EGFL6: variants seen among roughly 807,000 people sequenced by gnomAD.
EGFL6 encodes EGF like domain multiple 6.
In EGFL6, 42 loss-of-function variants were observed where a neutral mutation model predicts 43.1. The observed-to-expected ratio is 0.98, with a 90% CI of 0.76 to 1.26. The LOEUF (loss-of-function observed/expected upper bound fraction) is 1.26, where lower values mean the gene tolerates loss of function less well. EGFL6 is among the 50% of genes most tolerant of loss of function. The pLI is 0.00. For missense variants in EGFL6, 429 were observed against 427.8 expected (o/e 1.00, Z -0.02); for synonymous variants, 164 against 163.2 (o/e 1.01, Z -0.04).
chrX:13,627,920 C>G (rs923369405), intron 11 of EGFL6, among the ~76,000 whole-genome samples: 69 of 112,006 alleles, frequency 6.2e-4, no homozygotes, highest in African/African-American at 2.2e-3. Context: ...ATGACACTTA[C>G]AAAGTATTGC....
chrX:13,625,640 C>T (rs2045774491), intron 10 of EGFL6, among the ~76,000 whole-genome samples: 1 of 109,901 alleles, frequency 9.1e-6, no homozygotes, highest in Non-Finnish European at 1.9e-5. Flanking sequence ...GCTGAGATCG[C>T]ACTATTGCAC....
chrX:13,587,393 G>A (rs997589339), intron 1 of EGFL6, among the ~76,000 whole-genome samples: 4 of 111,657 alleles, frequency 3.6e-5, no homozygotes, highest in African/African-American at 1.3e-4. Context: ...GTACATGTGA[G>A]TGTTACATGC....
At chrX:13,591,346 G>T (rs1035518065) in intron 2 of EGFL6, among the ~76,000 whole-genome samples, 4 of 111,475 alleles carry the variant, frequency 3.6e-5, no homozygotes, top group African/African-American at 6.5e-5. Context: ...GCATGTCGCT[G>T]GTGAATAAAT....
At chrX:13,616,140 A>T (rs1247509530) in intron 7 of EGFL6, among the ~76,000 whole-genome samples, 1 of 112,331 alleles carries the variant, frequency 8.9e-6, no homozygotes, top group African/African-American at 3.2e-5. Flanking sequence ...TTAATTTTTT[A>T]AAAATTAATT....
rs773206728 is a variant in EGFL6, at chrX:13,594,903, A to G, written c.255A>G (p.Gly85=). ...CAAACAAATGCAGATGCTTTCCAGG[A>G]TACACCGGGAAAACCTGCAGTCAAG... The part of the protein sequence containing the change: ...VGPNKCRCFP[G]YTGKTCSQDV... The change falls in exon 3 of 12, where the codon GGA becomes GGG. Residue 85 remains glycine, a synonymous_variant. Coordinates refer to ENST00000361306, the MANE Select transcript of EGFL6 (RefSeq NM_015507.4). The G allele has an allele frequency of 1.7e-6, 2 of 1,209,641 alleles. No individual in the cohort carries two copies. The highest frequency in any genetic ancestry group is 1.1e-6 in the Non-Finnish European group (1 of 893,935).
chrX:13,588,030 C>T (rs954672548), intron 1 of EGFL6, among the ~76,000 whole-genome samples: 11 of 112,069 alleles, frequency 9.8e-5, no homozygotes, highest in African/African-American at 2.6e-4. Context: ...GCACAGGACA[C>T]CTCCCAACAA....
At chrX:13,612,186 ACCCTGCGG>A (rs1184478240) in intron 7 of EGFL6, among the ~76,000 whole-genome samples, 7 of 109,284 alleles carry the variant, frequency 6.4e-5, no homozygotes, top group Admixed American at 1.9e-4. Context: ...TAGGCAGAGG[ACCCTGCGG>A]CCTTCCGCAG....
intron 3 of EGFL6, among the ~76,000 whole-genome samples, chrX:13,595,867 A>G (rs1367701998): frequency 1.8e-5 from 2 of 109,829 alleles, no homozygotes; most frequent in Non-Finnish European, 3.8e-5. Context: ...CCACAGGCAC[A>G]CACCACCATG....
At chrX:13,627,783 GA>G (rs373945943) in intron 11 of EGFL6, among the ~76,000 whole-genome samples, 43 of 112,010 alleles carry the variant, frequency 3.8e-4, no homozygotes, top group African/African-American at 1.3e-3. Flanking sequence ...AGTTTGTATA[GA>G]TTAAAATCAG....
intron 5 of EGFL6, among the ~76,000 whole-genome samples, chrX:13,605,375 C>T (rs2045654302): frequency 9.2e-6 from 1 of 108,313 alleles, no homozygotes; most frequent in African/African-American, 3.4e-5. Flanking sequence ...GAGTTTGAGA[C>T]CAGCCTGAGC....
intron 11 of EGFL6, 52 bp from the exon 12 acceptor site, chrX:13,632,933 T>A: frequency 2.8e-6 from 3 of 1,090,253 alleles, no homozygotes; most frequent in African/African-American, 3.6e-5. Flanking sequence ...CTTGATTATA[T>A]CATTGTTTTG....
At chrX:13,609,973 C>A (rs1214120839) in intron 7 of EGFL6, among the ~76,000 whole-genome samples, 1 of 110,870 alleles carries the variant, frequency 9.0e-6, no homozygotes, top group African/African-American at 3.3e-5. Context: ...CCAATGCTCC[C>A]AATGATGCAA....
chrX:13,622,434 C>T (rs184818877), intron 9 of EGFL6, among the ~76,000 whole-genome samples: 1 of 112,033 alleles, frequency 8.9e-6, no homozygotes, highest in African/African-American at 3.2e-5. Flanking sequence ...CAAAATGAGT[C>T]AAGAATCAGC....
chrX:13,578,337 T>G, intron 1 of EGFL6, among the ~76,000 whole-genome samples: 1 of 108,027 alleles, frequency 9.3e-6, no homozygotes, highest in East Asian at 2.9e-4. Flanking sequence ...GGTGGGACTG[T>G]AAACTAGTTC....
chrX:13,608,431 G>A lies in EGFL6; in HGVS notation c.763G>A (p.Gly255Arg). Residue 255 changes from glycine to arginine, a missense_variant, in exon 7 of 12, where the codon GGA (glycine) becomes AGA (arginine). Physicochemically the swap from Gly to Arg is moderately radical, Grantham distance 125. Transcript: ENST00000361306. Reference sequence around the variant, plus strand: ...ATGCAAGCAGGGATATAAAGGCAATGGACTTCGGTGTTCTGGTAAGTAGCA... The same window carrying A: ...ATGCAAGCAGGGATATAAAGGCAATAGACTTCGGTGTTCTGGTAAGTAGCA... The part of the protein sequence containing the change: ...CKCKQGYKGN[G>R]LRCSAIPENS... The A allele has an allele frequency of 8.3e-7, 1 of 1,210,702 alleles. No individual in the cohort carries two copies. The highest frequency in any genetic ancestry group is 1.1e-6 in the Non-Finnish European group (1 of 894,877).
At chrX:13,577,368 G>C (rs2146961311) in intron 1 of EGFL6, among the ~76,000 whole-genome samples, 2 of 94,493 alleles carry the variant, frequency 2.1e-5, no homozygotes, top group African/African-American at 7.9e-5. Flanking sequence ...ATACAGTATA[G>C]CATTTCAAAC....
chrX:13,617,841 A>G lies in EGFL6; in HGVS notation c.890A>G (p.Lys297Arg), dbSNP rs1316885183. 8.3e-7 allele frequency: 1 copy of G among 1,211,585 alleles called. No individual in the cohort carries two copies. The highest frequency in any genetic ancestry group is 3.0e-5 in the East Asian group (1 of 33,844). Residue 297 changes from lysine (K) to arginine (R), a missense_variant, in exon 8 of 12, where the codon AAA becomes AGA. Physicochemically the swap from Lys to Arg is conservative, Grantham distance 26 (BLOSUM62 2). Coordinates refer to ENST00000361306, the MANE Select transcript of EGFL6 (RefSeq NM_015507.4). ...KNSMKKKAKI[K>R]NVTPEPTRTP... ...AGCATGAAAAAGAAGGCAAAAATTA[A>G]AAATGTTACCCCAGAACCCACCAGG... is the stretch of plus-strand genomic sequence containing the variant.
At chrX:13,625,557 GC>G (rs1379598268) in intron 10 of EGFL6, among the ~76,000 whole-genome samples, 6 of 110,358 alleles carry the variant, frequency 5.4e-5, no homozygotes, top group Non-Finnish European at 9.5e-5. Context: ...GGTGGTGTGT[GC>G]CTGTAATCCC....
chrX:13,607,905 C>T (rs1382055018), intron 6 of EGFL6, among the ~76,000 whole-genome samples: 10 of 112,291 alleles, frequency 8.9e-5, no homozygotes, highest in Non-Finnish European at 1.9e-4. Context: ...GAACAAAATG[C>T]CTGTGCCTAT....
Sources: gnomAD v4.1 joint callset for allele counts (sites outside exome capture counted in the v4.1 genomes callset) on GRCh38, gnomAD v4.1.1 for gene constraint, MANE v1.5 for transcripts, NCBI Gene and HGNC (gene_info 2026-07-23, HGNC 2026-07-21) for gene names.